Variants in PRLR observed in about 807,000 individuals in gnomAD.
PRLR encodes the protein hPRL receptor.
In PRLR, 13 loss-of-function variants were observed where a neutral mutation model predicts 40.2. That is an observed-to-expected ratio of 0.32 (90% CI 0.21 to 0.51). The LOEUF (loss-of-function observed/expected upper bound fraction) is 0.51, where lower values mean the gene tolerates loss of function less well. PRLR is among the 20% of genes least tolerant of loss of function. The probability of loss-of-function intolerance (pLI) is 0.97; values close to 1 mark genes in which losing one functional copy is unlikely to be tolerated. For missense variants in PRLR, 656 were observed against 747.3 expected, an observed-to-expected ratio of 0.88 and a Z score of 1.42; for synonymous variants, 269 against 278.7, an observed-to-expected ratio of 0.97 and a Z score of 0.35.
At chr5:35,159,091 G>A (rs1579745768) in intron 1 of PRLR, among the ~76,000 whole-genome samples, 1 of 152,118 alleles carries the variant, frequency 6.6e-6, no homozygotes, top group African/African-American at 2.4e-5. Flanking sequence ...TGATTGAGTG[G>A]GGTGTCATGT....
At position 35,063,029 on chromosome 5, in the gene PRLR, A is replaced by G. The variant is rs1004952058; in HGVS notation, c.*2060T>C. ...CAGTGTGCAATTGAATCATTTGGGG[A>G]TCTTAGTAAAATGCAGATTCTGATG... is the stretch of plus-strand genomic sequence containing the variant. On this transcript the variant is annotated 3_prime_UTR_variant, in exon 10 of 10. Coordinates refer to ENST00000618457, the MANE Select transcript of PRLR (RefSeq NM_000949.7). 1 of 152,118 alleles carries G rather than the reference A, an allele frequency of 6.6e-6. No homozygotes were observed. Among genetic ancestry groups the G allele is most frequent in the African/African-American group, 2.4e-5 (1 of 41,412 alleles). 9.4% of individuals were successfully genotyped at this position (152,118 alleles called of 1,614,324 possible). A position where few individuals can be genotyped will look rare whatever the true frequency, so the allele number is the denominator to read the frequency against.
intron 5 of PRLR, among the ~76,000 whole-genome samples, chr5:35,073,578 G>C (rs966948128): frequency 6.6e-6 from 1 of 152,138 alleles, no homozygotes; most frequent in African/African-American, 2.4e-5. Context: ...GAAATTACTC[G>C]CCTAAGGTCA....
chr5:35,094,722 G>A (rs388541), intron 2 of PRLR, among the ~76,000 whole-genome samples: 32,296 of 151,952 alleles, frequency 0.21, 5,324 homozygotes, highest in African/African-American at 0.46. Flanking sequence ...TGGCCCACTG[G>A]GTTTCCTTAC....
chr5:35,098,571 A>G (rs1032902949), intron 2 of PRLR, among the ~76,000 whole-genome samples: 12 of 152,228 alleles, frequency 7.9e-5, no homozygotes, highest in African/African-American at 2.7e-4. Context: ...AGCTCTGTGT[A>G]TATTATATAC....
chr5:35,078,229 A>T (rs1321827211), intron 5 of PRLR, among the ~76,000 whole-genome samples: 1 of 152,224 alleles, frequency 6.6e-6, no homozygotes, highest in Non-Finnish European at 1.5e-5. Flanking sequence ...GGTGATAGAG[A>T]CACAAAAAAC....
chr5:35,125,594 T>C (rs1037200630), intron 1 of PRLR, among the ~76,000 whole-genome samples: 1 of 152,242 alleles, frequency 6.6e-6, no homozygotes, highest in African/African-American at 2.4e-5. Flanking sequence ...TAAGGGGTTT[T>C]CTGTAAAGGT....
chr5:35,182,870 C>A (rs78929046), intron 1 of PRLR, among the ~76,000 whole-genome samples: 12 of 152,294 alleles, frequency 7.9e-5, no homozygotes, highest in East Asian at 7.7e-4. Context: ...TATACTGCAA[C>A]CTTGTTAGCA....
chr5:35,167,186 T>TATC (rs1774864511), intron 1 of PRLR, among the ~76,000 whole-genome samples: 1 of 141,812 alleles, frequency 7.1e-6, no homozygotes, highest in Admixed American at 7.2e-5. Flanking sequence ...TCTATCTATC[T>TATC]ATCATCTAAC....
intron 2 of PRLR, among the ~76,000 whole-genome samples, chr5:35,115,115 G>T (rs1377998000): frequency 6.6e-6 from 1 of 152,302 alleles, no homozygotes; most frequent in East Asian, 1.9e-4. Context: ...GCAAACATTT[G>T]AAATGTACTC....
chr5:35,185,771 T>C (rs192055151), intron 1 of PRLR, among the ~76,000 whole-genome samples: 1 of 152,332 alleles, frequency 6.6e-6, no homozygotes, highest in East Asian at 1.9e-4. Flanking sequence ...CAGCCTTGAC[T>C]AGGTGTCTTT....
intron 2 of PRLR, among the ~76,000 whole-genome samples, chr5:35,114,227 G>A (rs1285767403): frequency 4.6e-5 from 7 of 152,150 alleles, no homozygotes; most frequent in African/African-American, 1.7e-4. Flanking sequence ...ATAGGTGGTT[G>A]TTTTCTAGAG....
At chr5:35,191,271 C>T (rs1451969828) in intron 1 of PRLR, among the ~76,000 whole-genome samples, 4 of 97,244 alleles carry the variant, frequency 4.1e-5, no homozygotes, top group Non-Finnish European at 9.3e-5. Context: ...GGGGTTTCAC[C>T]GTTTTAGCCG....
chr5:35,199,321 A>C (rs1447276465), intron 1 of PRLR, among the ~76,000 whole-genome samples: 1 of 152,194 alleles, frequency 6.6e-6, no homozygotes, highest in African/African-American at 2.4e-5. Context: ...GATATTCCAG[A>C]TGTGGAAGCG....
chr5:35,122,926 A>T (rs1401481815), intron 1 of PRLR, among the ~76,000 whole-genome samples: 1 of 152,220 alleles, frequency 6.6e-6, no homozygotes, highest in Non-Finnish European at 1.5e-5. Flanking sequence ...AGAGGGAGCA[A>T]GATAAATAGG....
At chr5:35,086,418 G>T in intron 3 of PRLR, 78 bp from the exon 4 acceptor site, 1 of 1,547,568 alleles carries the variant, frequency 6.5e-7, no homozygotes, top group South Asian at 1.2e-5. Flanking sequence ...GACAGAAACA[G>T]ATTGATGGAC....
chr5:35,207,934 T>A (rs908802307), intron 1 of PRLR, among the ~76,000 whole-genome samples: 4 of 152,122 alleles, frequency 2.6e-5, no homozygotes, highest in African/African-American at 9.7e-5. Context: ...ACCAGTGTGG[T>A]GTTGGCCCAA....
At chr5:35,157,944 G>A (rs1411158566) in intron 1 of PRLR, among the ~76,000 whole-genome samples, 1 of 152,134 alleles carries the variant, frequency 6.6e-6, no homozygotes, top group East Asian at 1.9e-4. Flanking sequence ...CTTTCTTGCT[G>A]TGTTCTAACC....
intron 1 of PRLR, among the ~76,000 whole-genome samples, chr5:35,219,348 T>C (rs985843969): frequency 6.6e-6 from 1 of 152,216 alleles, no homozygotes; most frequent in Non-Finnish European, 1.5e-5. Context: ...CTTGGGCATA[T>C]GACTTAACCT....
intron 1 of PRLR, among the ~76,000 whole-genome samples, chr5:35,188,765 T>A (rs1407390924): frequency 2.6e-5 from 4 of 152,238 alleles, no homozygotes; most frequent in Non-Finnish European, 5.9e-5. Context: ...TGCCGTCCAC[T>A]GTCCTGGGAG....
Sources: allele counts gnomAD v4.1 joint callset (sites outside exome capture counted in the v4.1 genomes callset), GRCh38; gene constraint gnomAD v4.1.1; transcripts MANE v1.5; gene names NCBI Gene and HGNC (gene_info 2026-07-23, HGNC 2026-07-21).